INPP4B: variants seen among roughly 807,000 people sequenced by gnomAD.
The protein encoded by INPP4B is inositol polyphosphate 4-phosphatase type II.
A neutral mutation model predicts 122.5 loss-of-function variants in INPP4B; 55 were observed. The ratio of observed to expected loss-of-function variants is 0.45; its 90% confidence interval spans 0.36 to 0.56. The LOEUF is 0.56. INPP4B is among the 20% of genes least tolerant of loss of function. The pLI is 0.00. For missense variants in INPP4B, 1,000 were observed against 1,097.7 expected, an observed-to-expected ratio of 0.91 and a Z score of 1.26; for synonymous variants, 403 against 388.7, an observed-to-expected ratio of 1.04 and a Z score of -0.43.
chr4:142,505,021 C>A (rs554035457), intron 2 of INPP4B, among the ~76,000 whole-genome samples: 1 of 151,794 alleles, frequency 6.6e-6, no homozygotes, highest in Non-Finnish European at 1.5e-5. Context: ...GTCTGAGGTG[C>A]GAGTTTTATT....
At chr4:142,377,595 T>A (rs566056386) in intron 7 of INPP4B, among the ~76,000 whole-genome samples, 1 of 152,068 alleles carries the variant, frequency 6.6e-6, no homozygotes, top group Non-Finnish European at 1.5e-5. Flanking sequence ...CATAGGCATA[T>A]TGCCATCTGT....
chr4:142,577,698 T>C (rs529421881), intron 2 of INPP4B, among the ~76,000 whole-genome samples: 1 of 152,148 alleles, frequency 6.6e-6, no homozygotes, highest in African/African-American at 2.4e-5. Flanking sequence ...TGTATCCATT[T>C]TTAGAATTGA....
chr4:142,498,372 C>T (rs1237351867), intron 2 of INPP4B, among the ~76,000 whole-genome samples: 1 of 151,856 alleles, frequency 6.6e-6, no homozygotes, highest in Admixed American at 6.6e-5. Flanking sequence ...TACCACAAAG[C>T]ACTGTGATGG....
At chr4:142,672,677 A>G (rs1469555253) in intron 2 of INPP4B, among the ~76,000 whole-genome samples, 1 of 152,108 alleles carries the variant, frequency 6.6e-6, no homozygotes, top group East Asian at 1.9e-4. Context: ...TGTGTTTTGC[A>G]AATATTTTCT....
intron 2 of INPP4B, among the ~76,000 whole-genome samples, chr4:142,561,555 A>T (rs930837219): frequency 1.3e-5 from 2 of 152,098 alleles, no homozygotes; most frequent in African/African-American, 4.8e-5. Context: ...AGTAGCTGGG[A>T]CTACAAATGT....
rs12506367 is a variant in INPP4B, at chr4:142,097,883, T to C, written c.2374+10210A>G. ...CAACTAAATGACTCAACTTATACCA[T>C]GCATTCAACAAATGTTAATGGAATA... On this transcript the variant is annotated intron_variant, in intron 23 of 25. Transcript: ENST00000262992. Among the ~76,000 whole-genome samples the C allele has an allele frequency of 4.8e-3, 726 of 152,256 alleles. 30 individuals are homozygous for C. The highest frequency in any genetic ancestry group is 0.043 in the Admixed American group (655 of 15,272).
intron 7 of INPP4B, among the ~76,000 whole-genome samples, chr4:142,338,978 G>T (rs998532522): frequency 6.6e-6 from 1 of 152,092 alleles, no homozygotes; most frequent in Non-Finnish European, 1.5e-5. Flanking sequence ...GGAGGGTCCA[G>T]GAGGGGAGAA....
At chr4:142,453,669 T>C (rs1163496712) in intron 3 of INPP4B, among the ~76,000 whole-genome samples, 1 of 152,204 alleles carries the variant, frequency 6.6e-6, no homozygotes, top group Admixed American at 6.5e-5. Flanking sequence ...GTCTACTGCA[T>C]ACACATAATG....
chr4:142,419,782 T>C (rs941277909), intron 5 of INPP4B, among the ~76,000 whole-genome samples: 1 of 152,134 alleles, frequency 6.6e-6, no homozygotes, highest in Admixed American at 6.6e-5. Flanking sequence ...TGACTTAAGA[T>C]ACATTTGGAT....
At position 142,270,730 on chromosome 4, in the gene INPP4B, A is replaced by T. The variant is rs762779783; in HGVS notation, c.548T>A (p.Val183Asp). The T allele has an allele frequency of 6.2e-7, 1 of 1,614,038 alleles. No homozygotes were observed. The highest frequency in any genetic ancestry group is 8.5e-7 in the Non-Finnish European group (1 of 1,179,962). Residue 183 changes from valine to aspartate, a missense_variant, in exon 10 of 26, where the codon GTC (valine) becomes GAC (aspartate). By Grantham distance (152) the Val-to-Asp change is radical (BLOSUM62 -3). Coordinates refer to ENST00000262992, the MANE Select transcript of INPP4B (RefSeq NM_001101669.3). ...ATCCTCAATCTCCCCCATCTTCACG[A>T]CACTGACTTCTATGGTGCCAACCAC... ...GKVVGTIEVS[V>D]VKMGEIEDGE...
chr4:142,601,707 T>C (rs1739974406), intron 2 of INPP4B, among the ~76,000 whole-genome samples: 1 of 151,824 alleles, frequency 6.6e-6, no homozygotes, highest in Admixed American at 6.6e-5. Flanking sequence ...TGGTGGCTCA[T>C]GCCTGTAATC....
chr4:142,386,957 TG>T (rs1284480957), intron 7 of INPP4B, among the ~76,000 whole-genome samples: 1 of 152,096 alleles, frequency 6.6e-6, no homozygotes, highest in African/African-American at 2.4e-5. Flanking sequence ...CTGGGGATCG[TG>T]GGTAAGTTCT....
intron 1 of INPP4B, among the ~76,000 whole-genome samples, chr4:142,735,541 T>C (rs1766730437): frequency 6.6e-6 from 1 of 152,214 alleles, no homozygotes; most frequent in Non-Finnish European, 1.5e-5. Flanking sequence ...ATGAGTAAGC[T>C]GAAGCACAGT....
intron 1 of INPP4B, among the ~76,000 whole-genome samples, chr4:142,734,017 AT>A (rs1449329350): frequency 6.6e-6 from 1 of 152,218 alleles, no homozygotes; most frequent in Non-Finnish European, 1.5e-5. Context: ...ACATTCTGTT[AT>A]GGGCTCAATT....
intron 1 of INPP4B, among the ~76,000 whole-genome samples, chr4:142,794,597 CA>C (rs1287648802): frequency 6.6e-6 from 1 of 151,616 alleles, no homozygotes; most frequent in Non-Finnish European, 1.5e-5. Flanking sequence ...ATAAAAAGCC[CA>C]AATCATTAAG....
intron 7 of INPP4B, among the ~76,000 whole-genome samples, chr4:142,324,329 C>T (rs1243475379): frequency 1.3e-5 from 2 of 152,094 alleles, no homozygotes; most frequent in African/African-American, 4.8e-5. Flanking sequence ...TCTAAGTCTA[C>T]CTGTGTTATC....
intron 2 of INPP4B, among the ~76,000 whole-genome samples, chr4:142,616,536 T>A (rs1743739852): frequency 6.6e-6 from 1 of 152,152 alleles, no homozygotes; most frequent in Non-Finnish European, 1.5e-5. Context: ...GGGGAATTAT[T>A]TTTGTACCCC....
intron 2 of INPP4B, among the ~76,000 whole-genome samples, chr4:142,607,230 T>C (rs1741461696): frequency 6.6e-6 from 1 of 152,068 alleles, no homozygotes; most frequent in African/African-American, 2.4e-5. Context: ...AAATTAATCA[T>C]TCCCTTTTTG....
intron 11 of INPP4B, among the ~76,000 whole-genome samples, chr4:142,253,891 C>T (rs1468822151): frequency 7.9e-5 from 12 of 152,162 alleles, no homozygotes; most frequent in African/African-American, 2.9e-4. Context: ...TAGGCTCCAC[C>T]TCTGGGGGCA....
Sources: allele counts gnomAD v4.1 joint callset (sites outside exome capture counted in the v4.1 genomes callset), GRCh38; gene constraint gnomAD v4.1.1; transcripts MANE v1.5; gene names NCBI Gene and HGNC (gene_info 2026-07-23, HGNC 2026-07-21).